OSBPL10: variants seen among roughly 807,000 people sequenced by gnomAD.
OSBPL10 encodes the protein oxysterol binding protein like 10.
In OSBPL10, 49 loss-of-function variants were observed where a neutral mutation model predicts 81.7. That is an observed-to-expected ratio of 0.60 (90% CI 0.48 to 0.76). The LOEUF (loss-of-function observed/expected upper bound fraction) is 0.76. Among genes scored for constraint, OSBPL10 ranks in the 30% least tolerant of loss-of-function variants. The pLI, the probability that OSBPL10 is intolerant of heterozygous loss-of-function variation, is 0.00. For missense variants in OSBPL10, 923 were observed against 987.8 expected (o/e 0.93, Z 0.88); for synonymous variants, 419 against 383.6 (o/e 1.09, Z -1.08).
chr3:31,873,837 G>A (rs1406875961), intron 3 of OSBPL10, among the ~76,000 whole-genome samples: 2 of 152,132 alleles, frequency 1.3e-5, no homozygotes, highest in African/African-American at 4.8e-5. Context: ...TTTAACTTCT[G>A]CTTAAGCAGC....
intron 6 of OSBPL10, among the ~76,000 whole-genome samples, chr3:31,722,331 G>A (rs1351649845): frequency 6.6e-6 from 1 of 152,070 alleles, no homozygotes; most frequent in African/African-American, 2.4e-5. Context: ...CTTCTCATAA[G>A]CCCTAGTCAG....
chr3:31,926,776 G>T (rs1293258822), intron 1 of OSBPL10, among the ~76,000 whole-genome samples: 1 of 152,126 alleles, frequency 6.6e-6, no homozygotes, highest in African/African-American at 2.4e-5. Context: ...TGCAGCAGAA[G>T]TAGTAACACA....
chr3:31,720,189 G>A (rs1696588815), intron 6 of OSBPL10, among the ~76,000 whole-genome samples: 1 of 142,396 alleles, frequency 7.0e-6, no homozygotes, highest in South Asian at 2.3e-4. Context: ...ACTTTCTACA[G>A]GTTTCTACTG....
At chr3:31,966,153 A>ATGTGTGTGTGTG (rs59737552) in intron 1 of OSBPL10, among the ~76,000 whole-genome samples, 1 of 134,894 alleles carries the variant, frequency 7.4e-6, no homozygotes, top group East Asian at 2.1e-4. Flanking sequence ...CAACAAAATT[A>ATGTGTGTGTGTG]TGTGTGTGTG....
intron 6 of OSBPL10, chr3:31,709,103 G>C: frequency 1.1e-6 from 1 of 902,428 alleles, no homozygotes; most frequent in Non-Finnish European, 1.3e-6. Context: ...GAACCCGATG[G>C]AGAAGCTGGA....
chr3:32,048,704 G>C (rs1699646076), intron 1 of OSBPL10, among the ~76,000 whole-genome samples: 1 of 152,144 alleles, frequency 6.6e-6, no homozygotes, highest in Non-Finnish European at 1.5e-5. Flanking sequence ...AGAGGTGTTT[G>C]AACCAGAGCA....
chr3:31,747,827 TG>T, intron 5 of OSBPL10, 82 bp downstream of exon 5: 1 of 1,368,304 alleles, frequency 7.3e-7, no homozygotes, highest in Non-Finnish European at 1.0e-6. Context: ...GAGAAATGGA[TG>T]GAATTAAAGG....
intron 6 of OSBPL10, among the ~76,000 whole-genome samples, chr3:31,723,741 G>T (rs958983850): frequency 9.2e-5 from 14 of 152,154 alleles, no homozygotes; most frequent in Non-Finnish European, 1.9e-4. Context: ...CTCAGGCAAA[G>T]CCCAAAGTAA....
intron 7 of OSBPL10, among the ~76,000 whole-genome samples, chr3:31,685,237 C>A (rs1157588764): frequency 1.3e-5 from 2 of 152,210 alleles, no homozygotes; most frequent in African/African-American, 4.8e-5. Flanking sequence ...GAGTCACCTT[C>A]TGTCACCCAG....
chr3:32,047,655 G>GT (rs1271465252), intron 1 of OSBPL10, among the ~76,000 whole-genome samples: 2 of 151,168 alleles, frequency 1.3e-5, no homozygotes, highest in Non-Finnish European at 3.0e-5. Flanking sequence ...ACTACAACCT[G>GT]TTTTTTGTTT....
intron 1 of OSBPL10, among the ~76,000 whole-genome samples, chr3:31,892,661 C>T (rs906156732): frequency 6.6e-6 from 1 of 152,312 alleles, no homozygotes; most frequent in Middle Eastern, 3.4e-3. Flanking sequence ...CTCCTCCTAG[C>T]AATGCTGACC....
chr3:31,991,037 A>T, intron 2 of OSBPL10: 1 of 1,459,320 alleles, frequency 6.9e-7, no homozygotes, highest in Non-Finnish European at 9.3e-7. Flanking sequence ...TCCAAATGCA[A>T]TGAGTATAGC....
intron 4 of OSBPL10, among the ~76,000 whole-genome samples, chr3:31,763,829 A>T (rs1025888460): frequency 1.3e-5 from 2 of 152,366 alleles, no homozygotes; most frequent in East Asian, 1.9e-4. Context: ...AATCCTTTAC[A>T]TCATTTGAGC....
intron 1 of OSBPL10, among the ~76,000 whole-genome samples, chr3:31,881,370 G>C (rs1695573629): frequency 6.6e-6 from 1 of 152,088 alleles, no homozygotes; most frequent in South Asian, 2.1e-4. Flanking sequence ...ACTGATAGAG[G>C]CAATGCAACA....
At position 31,964,244 on chromosome 3, in the gene OSBPL10, C is replaced by T. The variant is rs769915217; in HGVS notation, c.281+16655G>A. ...TAATCTAGACTCACTGCAACCTCTG[C>T]CTCCCAAGTTCAAGCAATTCTCCTG... On this transcript the variant is annotated intron_variant, in intron 1 of 11. Coordinates refer to ENST00000396556, the MANE Select transcript of OSBPL10 (RefSeq NM_017784.5). Among the ~76,000 whole-genome samples, 10 of 152,056 alleles carry T rather than the reference C, an allele frequency of 6.6e-5. No homozygotes were observed. In the South Asian group the frequency reaches 1.0e-3, roughly 16 times the overall value.
intron 4 of OSBPL10, among the ~76,000 whole-genome samples, chr3:31,764,968 G>A (rs1414827848): frequency 1.3e-5 from 2 of 152,066 alleles, no homozygotes; most frequent in African/African-American, 4.8e-5. Context: ...AAAAGGCCAT[G>A]ATCCCCATCA....
chr3:31,662,019 T>C lies in OSBPL10; in HGVS notation c.*53A>G, dbSNP rs1700082564. ...ACAAAACCCTGATACTCTACTACTT[T>C]AATATTCCTACAAAAACAGGGCTAT... On this transcript the variant is annotated 3_prime_UTR_variant, in exon 12 of 12. Transcript: ENST00000396556. 2 of 1,604,132 alleles carry C rather than the reference T, an allele frequency of 1.2e-6. No individual in the cohort carries two copies. Among genetic ancestry groups the C allele is most frequent in the Non-Finnish European group, 1.7e-6 (2 of 1,176,266 alleles).
At chr3:31,858,141 C>T (rs1287275581) in intron 3 of OSBPL10, among the ~76,000 whole-genome samples, 1 of 151,616 alleles carries the variant, frequency 6.6e-6, no homozygotes, top group Non-Finnish European at 1.5e-5. Context: ...GCTGGAACTA[C>T]AGGAGCACGC....
intron 1 of OSBPL10, among the ~76,000 whole-genome samples, chr3:31,930,197 T>C (rs953685892): frequency 2.0e-4 from 30 of 151,736 alleles, no homozygotes; most frequent in African/African-American, 7.3e-4. Flanking sequence ...AGTTCACAGA[T>C]AAGGATATAT....
Sources: gnomAD v4.1 joint callset for allele counts (sites outside exome capture counted in the v4.1 genomes callset) on GRCh38, gnomAD v4.1.1 for gene constraint, MANE v1.5 for transcripts, NCBI Gene and HGNC (gene_info 2026-07-23, HGNC 2026-07-21) for gene names.